Variants in DNAH10 observed in about 807,000 individuals in gnomAD.
DNAH10 encodes axonemal beta dynein heavy chain 10.
In DNAH10, 348 loss-of-function variants were observed where a neutral mutation model predicts 506.6. The observed-to-expected ratio is 0.69, with a 90% CI of 0.63 to 0.75. DNAH10 has a LOEUF of 0.75. Among genes scored for constraint, DNAH10 ranks in the 30% least tolerant of loss-of-function variants. The probability of loss-of-function intolerance (pLI) is 0.00; values close to 1 mark genes in which losing one functional copy is unlikely to be tolerated. For synonymous variants in DNAH10, 2,059 were observed against 2,198.6 expected (o/e 0.94, Z 1.78); for missense variants, 5,179 against 5,787.1 (o/e 0.89, Z 3.41).
Position 123,926,837 on chromosome 12 carries a change from A to G in DNAH10, c.12105+17A>G. ...CAAGAAAAGGTAATTTGTGGCTGAA[A>G]GGAACAAGCTCTACGTTTAGGGGAG... On this transcript the variant is annotated intron_variant, in intron 69 of 78. Coordinates refer to ENST00000673944, the MANE Select transcript of DNAH10 (RefSeq NM_001372106.1). The surrounding 1 kb of genome is among the most constrained non-coding windows in gnomAD (Gnocchi z 4.1). The G allele has an allele frequency of 6.2e-7, 1 of 1,613,044 alleles. No homozygotes were observed. Among genetic ancestry groups the G allele is most frequent in the South Asian group, 1.1e-5 (1 of 90,954 alleles).
intron 51 of DNAH10, among the ~76,000 whole-genome samples, chr12:123,882,752 G>A (rs189832118): frequency 9.8e-5 from 13 of 132,932 alleles, no homozygotes; most frequent in African/African-American, 3.8e-4. Flanking sequence ...AGGTCATGCC[G>A]CAGCACTCCA....
intron 76 of DNAH10, 84 bp downstream of exon 76, chr12:123,932,192 A>C: frequency 6.5e-7 from 1 of 1,529,632 alleles, no homozygotes; most frequent in Non-Finnish European, 8.9e-7. Context: ...CCCTCTTTCC[A>C]TTGCCCAGCA....
chr12:123,931,693 T>C lies in DNAH10; in HGVS notation c.12974T>C (p.Ile4325Thr). Reference sequence around the variant, plus strand: ...TATATTGGCCAAGTGGCCAAAGAAATAGAAAACAAGATGCCCAAAGTCTTT... The same window carrying C: ...TATATTGGCCAAGTGGCCAAAGAAACAGAAAACAAGATGCCCAAAGTCTTT... ...DDYIGQVAKE[I>T]ENKMPKVFDL... The change falls in exon 75 of 79, where the codon ATA becomes ACA. Residue 4325 changes from isoleucine (I) to threonine (T), a missense_variant. Physicochemically the swap from Ile to Thr is moderately conservative, Grantham distance 89. This residue lies in a region of DNAH10 where 4,844 missense variants were observed against 5,430.5 expected (regional missense o/e 0.89). Transcript: ENST00000673944. The C allele has an allele frequency of 1.9e-6, 3 of 1,613,980 alleles. No homozygotes were observed. Among genetic ancestry groups the C allele is most frequent in the African/African-American group, 1.3e-5 (1 of 75,032 alleles).
At chr12:123,866,854 C>T (rs1594236254) in intron 41 of DNAH10, among the ~76,000 whole-genome samples, 2 of 152,346 alleles carry the variant, frequency 1.3e-5, no homozygotes, top group African/African-American at 4.8e-5. Context: ...ATGGATGTGA[C>T]AGTCACGTGC....
At chr12:123,836,477 G>C (rs1961140218) in intron 28 of DNAH10, among the ~76,000 whole-genome samples, 1 of 152,174 alleles carries the variant, frequency 6.6e-6, no homozygotes, top group African/African-American at 2.4e-5. Context: ...CCCGTGAAAG[G>C]GTGTGTGTAT....
At chr12:123,783,610 G>GAA (rs1957743374) in intron 7 of DNAH10, among the ~76,000 whole-genome samples, 1 of 152,224 alleles carries the variant, frequency 6.6e-6, no homozygotes, top group African/African-American at 2.4e-5. Flanking sequence ...GGTCCAGTCT[G>GAA]ATCAGGGCTC....
intron 73 of DNAH10, among the ~76,000 whole-genome samples, chr12:123,930,911 A>T (rs1342336403): frequency 6.6e-6 from 1 of 152,218 alleles, no homozygotes; most frequent in East Asian, 1.9e-4. Context: ...TTGGCTGGTC[A>T]TGGTGGCTCG....
Position 123,929,426 on chromosome 12 carries a change from G to A in DNAH10, c.12458G>A (p.Arg4153Lys), listed in dbSNP as rs146812783. ...TTTCATGCTGTGGTGCAGGAGAGAA[G>A]GAAGTTTGGGAAGATTGGCTGGAAC... is the stretch of plus-strand genomic sequence containing the variant. ...AFFHAVVQER[R>K]KFGKIGWNVY... Residue 4153 changes from arginine (R) to lysine (K), a missense_variant, in exon 71 of 79, where the codon AGG (arginine) becomes AAG (lysine). Transcript: ENST00000673944. 12 of 1,613,766 alleles carry A rather than the reference G, an allele frequency of 7.4e-6. No homozygotes were observed. The highest frequency in any genetic ancestry group is 1.0e-5 in the Non-Finnish European group (12 of 1,179,840).
chr12:123,876,473 A>G (rs1422487637), intron 47 of DNAH10, among the ~76,000 whole-genome samples: 5 of 151,872 alleles, frequency 3.3e-5, no homozygotes, highest in Non-Finnish European at 7.4e-5. Context: ...TCTCTACTAA[A>G]AATACAAAAA....
At position 123,919,241 on chromosome 12, in the gene DNAH10, G is replaced by A. The variant is rs115845443; in HGVS notation, c.11506+292G>A. 0.02 allele frequency among the ~76,000 whole-genome samples: 3,023 copies of A among 151,896 alleles called. 101 individuals carry two copies. Among genetic ancestry groups the A allele is most frequent in the African/African-American group, 0.069 (2,854 of 41,400 alleles). ...AAGGCACGCCACCACACCCAGCTAA[G>A]TTTTTGTATATTTTGTAGAGATGGG... On this transcript the variant is annotated intron_variant, in intron 65 of 78. Coordinates refer to ENST00000673944, the MANE Select transcript of DNAH10 (RefSeq NM_001372106.1). The surrounding 1 kb of genome is among the most constrained non-coding windows in gnomAD (Gnocchi z 4.9).
At chr12:123,800,693 AAAG>A (rs1958450397) in intron 15 of DNAH10, among the ~76,000 whole-genome samples, 1 of 151,818 alleles carries the variant, frequency 6.6e-6, no homozygotes, top group Non-Finnish European at 1.5e-5. Flanking sequence ...AAAAAAAAAA[AAAG>A]AAGAAAAAAA....
chr12:123,810,137 C>G (rs999558964), intron 19 of DNAH10, among the ~76,000 whole-genome samples: 7 of 152,206 alleles, frequency 4.6e-5, no homozygotes, highest in South Asian at 2.1e-4. Context: ...CCAAGAACAT[C>G]TGGCACATAG....
At position 123,928,667 on chromosome 12, in the gene DNAH10, G is replaced by A. The variant is rs1222107761; in HGVS notation, c.12306+80G>A. ...GCATGCTGCTCTGGGGCCGGGGTGT[G>A]CCTTTGTCTGTGTAGAAATAAACCT... is the stretch of plus-strand genomic sequence containing the variant. On this transcript the variant is annotated intron_variant, in intron 70 of 78. Coordinates refer to ENST00000673944, the MANE Select transcript of DNAH10 (RefSeq NM_001372106.1). This position sits in a 1 kb window ranked among gnomAD's most constrained non-coding sequence, Gnocchi z 4.9. 2.1e-6 allele frequency: 3 copies of A among 1,451,202 alleles called. No individual in the cohort carries two copies. The highest frequency in any genetic ancestry group is 2.8e-6 in the Non-Finnish European group (3 of 1,080,884). The allele number at this position is 1,451,202 out of a possible 1,614,324, so 89.9% of individuals were successfully genotyped here.
chr12:123,826,774 C>G lies in DNAH10; in HGVS notation c.4267C>G (p.Leu1423Val). The stretch of plus-strand genomic sequence containing the variant: ...AGGAATTGAAGGTTTTCTCAGGGCT[C>G]TCAGAAAGCTACCTCGGCCAGTCCG... The part of the protein sequence containing the change: ...QEGIEGFLRA[L>V]RKLPRPVRGL... Residue 1423 changes from leucine to valine, a missense_variant, in exon 25 of 79, where the codon CTC becomes GTC. By Grantham distance (32) the Leu-to-Val change is conservative (BLOSUM62 1). This residue lies in a region of DNAH10 where 4,844 missense variants were observed against 5,430.5 expected (regional missense o/e 0.89). Transcript: ENST00000673944. 1 of 1,613,926 alleles carries G rather than the reference C, an allele frequency of 6.2e-7. No homozygotes were observed.
chr12:123,846,171 C>G lies in DNAH10; in HGVS notation c.5814+17C>G. On this transcript the variant is annotated intron_variant, in intron 32 of 78. Coordinates refer to ENST00000673944, the MANE Select transcript of DNAH10 (RefSeq NM_001372106.1). This position sits in a 1 kb window ranked among gnomAD's most constrained non-coding sequence, Gnocchi z 4.5. ...CTCACCCAGGTGACTGCCAGCCTGG[C>G]ACTTGTGGTTACCACTTACCTTGGG... The G allele has an allele frequency of 6.2e-7, 1 of 1,605,240 alleles. No homozygotes were observed. The highest frequency in any genetic ancestry group is 8.5e-7 in the Non-Finnish European group (1 of 1,174,982).
intron 62 of DNAH10, among the ~76,000 whole-genome samples, chr12:123,915,228 G>T (rs1220550817): frequency 1.3e-5 from 2 of 152,116 alleles, no homozygotes; most frequent in East Asian, 1.9e-4. Flanking sequence ...CTCGCAGGCT[G>T]TGAGCAACCT....
intron 76 of DNAH10, 121 bp downstream of exon 76, chr12:123,932,229 G>A: frequency 1.6e-6 from 2 of 1,218,432 alleles, no homozygotes; most frequent in East Asian, 2.4e-5. Flanking sequence ...TTTATTGGGT[G>A]CTCTGGAAAT....
chr12:123,807,615 G>T (rs1958730027), intron 18 of DNAH10, among the ~76,000 whole-genome samples: 1 of 151,896 alleles, frequency 6.6e-6, no homozygotes, highest in Non-Finnish European at 1.5e-5. Flanking sequence ...AGGGGATGAA[G>T]CTGGAGAGGG....
chr12:123,861,075 C>T lies in DNAH10; in HGVS notation c.6813C>T (p.Tyr2271=), dbSNP rs753490414. The T allele has an allele frequency of 2.1e-5, 34 of 1,613,930 alleles. No homozygotes were observed. Among genetic ancestry groups the T allele is most frequent in the East Asian group, 8.9e-5 (4 of 44,876 alleles). Residue 2271 remains tyrosine, a synonymous_variant, in exon 39 of 79, where the codon TAC becomes TAT. Coordinates refer to ENST00000673944, the MANE Select transcript of DNAH10 (RefSeq NM_001372106.1). ...NPKAVSVIEL[Y]GILDPTTRDW... is the part of the protein sequence containing the mutation. ...AAGCCGTGAGTGTCATAGAACTCTACGGCATCCTGGACCCAACCACCCGAG... is the reference window on the plus strand; with the variant it reads ...AAGCCGTGAGTGTCATAGAACTCTATGGCATCCTGGACCCAACCACCCGAG...
Sources: gnomAD v4.1 joint callset for allele counts (sites outside exome capture counted in the v4.1 genomes callset) on GRCh38, gnomAD v4.1.1 for gene constraint, gnomAD v4.1.1 regional missense constraint, Gnocchi (gnomAD v3.1) non-coding constraint, MANE v1.5 for transcripts, NCBI Gene and HGNC (gene_info 2026-07-23, HGNC 2026-07-21) for gene names.